The following ZNF276 variants were observed in gnomAD, a reference collection of about 807,000 sequenced individuals.
ZNF276 encodes centromere protein Z.
A neutral mutation model predicts 63.9 loss-of-function variants in ZNF276; 59 were observed. The observed-to-expected ratio is 0.92, with a 90% CI of 0.75 to 1.15. The LOEUF is 1.15. Among genes scored for constraint, ZNF276 ranks in the 50% most tolerant of loss-of-function variants. The pLI is 0.00. For synonymous variants in ZNF276, 496 were observed against 348.4 expected (o/e 1.42, Z -4.72); for missense variants, 1,084 against 843.8 (o/e 1.28, Z -3.53).
intron 4 of ZNF276, 148 bp downstream of exon 4, chr16:89,723,857 G>A (rs781496546): frequency 5.6e-6 from 5 of 894,280 alleles, no homozygotes; most frequent in Non-Finnish European, 8.3e-6. Flanking sequence ...TCTGCCTGCG[G>A]CTGCTCACCA....
chr16:89,731,787 A>C (rs1225645923), intron 6 of ZNF276: 5 of 152,254 alleles, frequency 3.3e-5, no homozygotes, highest in African/African-American at 7.2e-5. Flanking sequence ...TAGAAACATA[A>C]CTGGGTTTTG....
At position 89,722,285 on chromosome 16, in the gene ZNF276, A is replaced by G. The variant is rs541319212; in HGVS notation, c.206-246A>G. ...GGAGGAGGGTGCAGTTCCAGGTTTCACTCTTGAAGTTGCTTCGCTGGAGAG... is the reference window on the plus strand; with the variant it reads ...GGAGGAGGGTGCAGTTCCAGGTTTCGCTCTTGAAGTTGCTTCGCTGGAGAG... On this transcript the variant is annotated intron_variant, in intron 1 of 10. Coordinates refer to ENST00000443381, the MANE Select transcript of ZNF276 (RefSeq NM_001113525.2). Among the ~76,000 whole-genome samples, 16 of 152,002 alleles carry G rather than the reference A, an allele frequency of 1.1e-4. No individual in the cohort carries two copies. In the East Asian group the frequency reaches 2.9e-3, roughly 28 times the overall value.
intron 9 of ZNF276, 116 bp downstream of exon 9, chr16:89,734,154 C>A: frequency 1.1e-6 from 1 of 919,136 alleles, no homozygotes; most frequent in African/African-American, 1.6e-5. Flanking sequence ...GAAGGTGGCT[C>A]ATGGGGTCTT....
upstream of ZNF276, chr16:89,720,373 C>T (rs1224554335): frequency 3.1e-6 from 3 of 983,242 alleles, no homozygotes; most frequent in East Asian, 2.2e-4. Flanking sequence ...GCCTTCTCTG[C>T]ATGCCGTCCC....
rs1272236375 is a variant in ZNF276 at position 89,735,646 on chromosome 16, G to A, written c.1474+1608G>A. On this transcript the variant is annotated intron_variant, in intron 9 of 10. Coordinates refer to ENST00000443381, the MANE Select transcript of ZNF276 (RefSeq NM_001113525.2). ...CAGCACTTTGGAGGCTAAGGCAGTA[G>A]GATTGCTTGAGGCCAGGATTTTGAC... Among the ~76,000 whole-genome samples the A allele has an allele frequency of 2.6e-5, 4 of 152,064 alleles. No individual in the cohort carries two copies. In the East Asian group the frequency reaches 7.7e-4, roughly 29 times the overall value.
chr16:89,732,150 C>G (rs1206148793), intron 6 of ZNF276: 1 of 129,882 alleles, frequency 7.7e-6, no homozygotes, highest in East Asian at 3.7e-4. Context: ...CAGAAAGGAA[C>G]CACAAGTGCG....
chr16:89,736,307 A>T (rs1025140301), intron 9 of ZNF276, among the ~76,000 whole-genome samples: 2 of 147,458 alleles, frequency 1.4e-5, no homozygotes, highest in Non-Finnish European at 3.0e-5. Flanking sequence ...GATTACAGGC[A>T]TGAGCCACCG....
Position 89,721,635 on chromosome 16 carries a change from G to A in ZNF276, c.-6G>A. The A allele has an allele frequency of 6.8e-7, 1 of 1,472,068 alleles. No individual in the cohort carries two copies. Among genetic ancestry groups the A allele is most frequent in the Non-Finnish European group, 9.0e-7 (1 of 1,117,216 alleles). 91.2% of individuals were successfully genotyped at this position (1,472,068 alleles called of 1,614,324 possible). A position where few individuals can be genotyped will look rare whatever the true frequency, so the allele number is the denominator to read the frequency against. On this transcript the variant is annotated 5_prime_UTR_variant, in exon 1 of 11. Transcript: ENST00000443381. The stretch of plus-strand genomic sequence containing the variant: ...CCGCGGGATTCTGCTGGCGTCCTCC[G>A]CTGCCATGAAGCGGGACCGGCTGGG...
intron 4 of ZNF276, among the ~76,000 whole-genome samples, chr16:89,726,870 T>A (rs1234331791): frequency 6.6e-6 from 1 of 152,124 alleles, no homozygotes; most frequent in Non-Finnish European, 1.5e-5. Flanking sequence ...GGTCTCGATC[T>A]CCTGACCTCG....
In ZNF276 at chr16:89,721,741, C is replaced by T; in HGVS notation, c.101C>T (p.Pro34Leu). ...GGCGTCAGCCGGACTCGGGGCCGCC[C>T]TTCCCTTAGCGGTGGGCCGAGGGTG... is the stretch of plus-strand genomic sequence containing the variant. ...GGGVSRTRGR[P>L]SLSGGPRVDG... Residue 34 changes from proline (P) to leucine (L), a missense_variant, in exon 1 of 11, where the codon CCT becomes CTT. Physicochemically the swap from Pro to Leu is moderately conservative, Grantham distance 98. Coordinates refer to ENST00000443381, the MANE Select transcript of ZNF276 (RefSeq NM_001113525.2). 1 of 1,333,028 alleles carries T rather than the reference C, an allele frequency of 7.5e-7. No homozygotes were observed. The highest frequency in any genetic ancestry group is 9.6e-7 in the Non-Finnish European group (1 of 1,044,216). The allele number at this position is 1,333,028 out of a possible 1,614,324, so 82.6% of individuals were successfully genotyped here. A position where few individuals can be genotyped will look rare whatever the true frequency, so the allele number is the denominator to read the frequency against.
intron 4 of ZNF276, 70 bp from the exon 5 acceptor site, chr16:89,727,209 A>C (rs989863675): frequency 3.8e-5 from 56 of 1,475,890 alleles, no homozygotes; most frequent in Non-Finnish European, 5.1e-5. Flanking sequence ...TAGTAGAATC[A>C]TGCCTCCTTG....
At chr16:89,731,057 G>A (rs933193327) in intron 6 of ZNF276, among the ~76,000 whole-genome samples, 4 of 152,254 alleles carry the variant, frequency 2.6e-5, no homozygotes, top group Admixed American at 6.5e-5. Context: ...GAGACTGCGG[G>A]TGCTCTGAAG....
At chr16:89,726,281 C>G (rs184345028) in intron 4 of ZNF276, among the ~76,000 whole-genome samples, 1 of 152,232 alleles carries the variant, frequency 6.6e-6, no homozygotes, top group Admixed American at 6.5e-5. Flanking sequence ...ACCACAACCT[C>G]TGCCTCCCAG....
rs776733543 is a variant in ZNF276 at position 89,723,242 on chromosome 16, T to C, written c.557-18T>C. On this transcript the variant is annotated intron_variant, in intron 3 of 10. Transcript: ENST00000443381. ...GCCGACCAGCCGTGGATCTGACATCTCTGTTGACTCTCTGCAGTGGATCTG... is the reference window on the plus strand; with the variant it reads ...GCCGACCAGCCGTGGATCTGACATCCCTGTTGACTCTCTGCAGTGGATCTG... The C allele has an allele frequency of 3.1e-6, 5 of 1,613,104 alleles. No homozygotes were observed. Among genetic ancestry groups the C allele is most frequent in the African/African-American group, 1.3e-5 (1 of 74,928 alleles).
chr16:89,721,565 G>T lies in ZNF276; in HGVS notation c.-76G>T. 5 of 1,375,010 alleles carry T rather than the reference G, an allele frequency of 3.6e-6. No homozygotes were observed. The highest frequency in any genetic ancestry group is 4.8e-6 in the Non-Finnish European group (5 of 1,046,292). 85.2% of individuals were successfully genotyped at this position (1,375,010 alleles called of 1,614,324 possible). The stretch of plus-strand genomic sequence containing the variant: ...CCGCCTCGCTTCCAGCGCGCCGAGC[G>T]GAGCCTAACGCCGGGTCCTCTAGGA... On this transcript the variant is annotated 5_prime_UTR_variant, in exon 1 of 11. Transcript: ENST00000443381.
At chr16:89,721,178 G>C, upstream of ZNF276, 1 of 241,750 alleles carries the variant, frequency 4.1e-6, no homozygotes, top group Non-Finnish European at 7.9e-6. Context: ...CTCTCTACGT[G>C]AGACCCCGGC....
At chr16:89,734,121 C>T (rs9935559) in intron 9 of ZNF276, 83 bp downstream of exon 9, 495,078 of 1,316,992 alleles carry the variant, frequency 0.38, 101,286 homozygotes, top group Non-Finnish European at 0.42. Context: ...TACCCATCCC[C>T]GCCCCAAGAG....
At chr16:89,737,049 G>C (rs1447657000) in intron 9 of ZNF276, among the ~76,000 whole-genome samples, 1 of 152,176 alleles carries the variant, frequency 6.6e-6, no homozygotes, top group Non-Finnish European at 1.5e-5. Flanking sequence ...TGTGGCATTT[G>C]TGGACTAGCA....
intron 9 of ZNF276, among the ~76,000 whole-genome samples, chr16:89,737,280 G>A (rs2061958880): frequency 1.3e-5 from 2 of 152,168 alleles, no homozygotes; most frequent in African/African-American, 4.8e-5. Context: ...CCAGCACTTT[G>A]GGAGACCGAG....
Sources: allele counts gnomAD v4.1 joint callset (sites outside exome capture counted in the v4.1 genomes callset), GRCh38; gene constraint gnomAD v4.1.1; transcripts MANE v1.5; gene names NCBI Gene and HGNC (gene_info 2026-07-23, HGNC 2026-07-21).